SLC17A8: variants seen among roughly 807,000 people sequenced by gnomAD.
SLC17A8 encodes the protein solute carrier family 17 member 8, also known as vesicular glutamate transporter 3.
SLC17A8 carries 31 observed loss-of-function variants against 58.0 expected under a neutral mutation model. The observed-to-expected ratio is 0.53, with a 90% CI of 0.40 to 0.72. SLC17A8 has a LOEUF of 0.72. Ranked by LOEUF, SLC17A8 falls within the 30% of genes least tolerant of loss-of-function variation. The pLI is 0.00. For missense variants in SLC17A8, 655 were observed against 727.8 expected (o/e 0.90, Z 1.15); for synonymous variants, 228 against 249.0 (o/e 0.92, Z 0.79).
intron 5 of SLC17A8, among the ~76,000 whole-genome samples, chr12:100,400,358 C>T (rs148563020): frequency 1.3e-5 from 2 of 152,224 alleles, no homozygotes; most frequent in Non-Finnish European, 2.9e-5. Context: ...ATGATAATAG[C>T]GGTAATAGCT....
intron 5 of SLC17A8, among the ~76,000 whole-genome samples, chr12:100,400,410 A>G (rs996308125): frequency 1.3e-5 from 2 of 152,162 alleles, no homozygotes; most frequent in Non-Finnish European, 2.9e-5. Flanking sequence ...GCATCTTCAC[A>G]TACATAGTTT....
intron 2 of SLC17A8, among the ~76,000 whole-genome samples, chr12:100,386,745 G>A (rs1348955279): frequency 6.7e-6 from 1 of 149,176 alleles, no homozygotes; most frequent in Non-Finnish European, 1.5e-5. Context: ...CTGGAGTGCA[G>A]TGGCACAATC....
intron 2 of SLC17A8, among the ~76,000 whole-genome samples, chr12:100,387,221 G>A (rs1952682151): frequency 1.3e-5 from 2 of 152,116 alleles, no homozygotes; most frequent in African/African-American, 4.8e-5. Context: ...CCCACCAACA[G>A]TATATAAGGG....
At chr12:100,384,420 T>G (rs943818391) in intron 2 of SLC17A8, among the ~76,000 whole-genome samples, 1 of 152,130 alleles carries the variant, frequency 6.6e-6, no homozygotes, top group Non-Finnish European at 1.5e-5. Context: ...GCCAACATGG[T>G]GAAACCCCAT....
intron 1 of SLC17A8, among the ~76,000 whole-genome samples, chr12:100,372,835 G>A (rs1010321246): frequency 6.6e-6 from 1 of 152,166 alleles, no homozygotes; most frequent in African/African-American, 2.4e-5. Flanking sequence ...AAACTGCTAG[G>A]ATTGCAGGCG....
intron 3 of SLC17A8, among the ~76,000 whole-genome samples, chr12:100,392,848 A>G (rs902054190): frequency 6.6e-6 from 1 of 152,184 alleles, no homozygotes; most frequent in Non-Finnish European, 1.5e-5. Flanking sequence ...TCTGGGAAGC[A>G]GGAAACAACC....
chr12:100,381,430 T>C (rs1160098348), intron 2 of SLC17A8, among the ~76,000 whole-genome samples: 1 of 152,090 alleles, frequency 6.6e-6, no homozygotes, highest in African/African-American at 2.4e-5. Context: ...CTTGGGCTCA[T>C]AGGAGAGGGC....
intron 5 of SLC17A8, 64 bp from the exon 6 acceptor site, chr12:100,401,713 C>T: frequency 7.6e-7 from 1 of 1,310,306 alleles, no homozygotes; most frequent in Non-Finnish European, 1.1e-6. Flanking sequence ...CATATGAATT[C>T]TAAATGAGCT....
chr12:100,371,629 C>T (rs866197307), intron 1 of SLC17A8, among the ~76,000 whole-genome samples: 16 of 152,226 alleles, frequency 1.1e-4, no homozygotes, highest in South Asian at 8.3e-4. Flanking sequence ...TTCACTGCAA[C>T]CGCCACCTCC....
chr12:100,384,320 C>T (rs961327506), intron 2 of SLC17A8, among the ~76,000 whole-genome samples: 1 of 152,066 alleles, frequency 6.6e-6, no homozygotes, highest in African/African-American at 2.4e-5. Flanking sequence ...ATTATTGGGG[C>T]CCGGCATGGT....
At chr12:100,415,463 C>T (rs539040992) in intron 10 of SLC17A8, among the ~76,000 whole-genome samples, 2 of 151,308 alleles carry the variant, frequency 1.3e-5, no homozygotes, top group East Asian at 1.9e-4. Context: ...GACAGGGTCT[C>T]GCTCTGACAC....
intron 5 of SLC17A8, among the ~76,000 whole-genome samples, chr12:100,397,234 G>A (rs114593180): frequency 1.3e-5 from 2 of 152,198 alleles, no homozygotes; most frequent in Non-Finnish European, 2.9e-5. Context: ...AGCATCCCAC[G>A]CCTCTTCTTT....
At chr12:100,389,012 AG>A (rs1244578094) in intron 2 of SLC17A8, among the ~76,000 whole-genome samples, 3 of 152,332 alleles carry the variant, frequency 2.0e-5, no homozygotes, top group South Asian at 2.1e-4. Context: ...GTGGGACCAA[AG>A]GTCTGTAAGA....
chr12:100,397,868 G>A (rs183804114), intron 5 of SLC17A8, among the ~76,000 whole-genome samples: 197 of 148,818 alleles, frequency 1.3e-3, no homozygotes, highest in Admixed American at 3.7e-3. Flanking sequence ...GCTTGAGCCC[G>A]GAGGTGGAGG....
At chr12:100,395,494 T>A (rs1003302936) in intron 4 of SLC17A8, among the ~76,000 whole-genome samples, 2 of 151,978 alleles carry the variant, frequency 1.3e-5, no homozygotes, top group Non-Finnish European at 2.9e-5. Flanking sequence ...CCCGGCTAAT[T>A]TTTGTATTTT....
Position 100,396,250 on chromosome 12 carries a change from T to A in SLC17A8, c.589-80T>A. ...TTGGGCTTTTATATTGTAGCCTGTGTGAAGAAGCAGCATCCATATTTTAAA... is the reference window on the plus strand; with the variant it reads ...TTGGGCTTTTATATTGTAGCCTGTGAGAAGAAGCAGCATCCATATTTTAAA... On this transcript the variant is annotated intron_variant, in intron 4 of 11. Coordinates refer to ENST00000323346, the MANE Select transcript of SLC17A8 (RefSeq NM_139319.3). The A allele has an allele frequency of 2.7e-6, 3 of 1,123,794 alleles. No individual in the cohort carries two copies. In the South Asian group the frequency reaches 3.7e-5, roughly 14 times the overall value. The allele number at this position is 1,123,794 out of a possible 1,614,324, so 69.6% of individuals were successfully genotyped here. A position where few individuals can be genotyped will look rare whatever the true frequency, so the allele number is the denominator to read the frequency against.
rs1422939932 is a variant in SLC17A8, at chr12:100,420,591, A to G, written c.*432A>G. 5 of 177,364 alleles carry G rather than the reference A, an allele frequency of 2.8e-5. No homozygotes were observed. The highest frequency in any genetic ancestry group is 6.1e-5 in the Non-Finnish European group (5 of 81,848). 11.0% of individuals were successfully genotyped at this position (177,364 alleles called of 1,614,324 possible). On this transcript the variant is annotated 3_prime_UTR_variant, in exon 12 of 12. Transcript: ENST00000323346. ...TTCCCAATAAACCCCACGTTGTGGC[A>G]GGTGCTTTATAAACACTCTTATTTA...
chr12:100,392,413 T>A (rs1296642697), intron 3 of SLC17A8, among the ~76,000 whole-genome samples: 1 of 152,150 alleles, frequency 6.6e-6, no homozygotes, highest in African/African-American at 2.4e-5. Context: ...TGGACTGGGT[T>A]GCAATATAAA....
At chr12:100,393,764 C>T (rs1200867995) in intron 4 of SLC17A8, among the ~76,000 whole-genome samples, 3 of 152,060 alleles carry the variant, frequency 2.0e-5, no homozygotes, top group Non-Finnish European at 4.4e-5. Context: ...AACTGAAGCC[C>T]AAATCTACAG....
Sources: allele counts gnomAD v4.1 joint callset (sites outside exome capture counted in the v4.1 genomes callset), GRCh38; gene constraint gnomAD v4.1.1; transcripts MANE v1.5; gene names NCBI Gene and HGNC (gene_info 2026-07-23, HGNC 2026-07-21).